The following XRRA1 variants were observed in gnomAD, a reference collection of about 807,000 sequenced individuals.
XRRA1 encodes X-ray radiation resistance associated 1, also known as X-ray radiation resistance-associated protein 1.
A neutral mutation model predicts 80.2 loss-of-function variants in XRRA1; 69 were observed. The ratio of observed to expected loss-of-function variants is 0.86; its 90% CI spans 0.71 to 1.05. XRRA1 has a LOEUF of 1.05. XRRA1 is among the 50% of genes least tolerant of loss of function. The pLI, the probability that XRRA1 is intolerant of heterozygous loss-of-function variation, is 0.00. For synonymous variants in XRRA1, 348 were observed against 389.9 expected, an observed-to-expected ratio of 0.89 and a Z score of 1.27; for missense variants, 967 against 976.4, an observed-to-expected ratio of 0.99 and a Z score of 0.13.
rs761014061 is a variant in XRRA1, at chr11:74,843,191, T to A, written c.*9A>T. 5.2e-6 allele frequency: 8 copies of A among 1,551,316 alleles called. No individual in the cohort carries two copies. The highest frequency in any genetic ancestry group is 3.5e-6 in the Non-Finnish European group (4 of 1,147,022). On this transcript the variant is annotated 3_prime_UTR_variant, in exon 19 of 19. Coordinates refer to ENST00000684022, the MANE Select transcript of XRRA1 (RefSeq NM_001378157.1). ...GGCCGGGTGGTGCACACAGCCCCCATGCACAGCTCTAGCCTTGTGAGTCAC... is the reference window on the plus strand; with the variant it reads ...GGCCGGGTGGTGCACACAGCCCCCAAGCACAGCTCTAGCCTTGTGAGTCAC...
At chr11:74,914,492 T>C (rs1373618724) in intron 8 of XRRA1, among the ~76,000 whole-genome samples, 3 of 152,150 alleles carry the variant, frequency 2.0e-5, no homozygotes, top group African/African-American at 7.2e-5. Flanking sequence ...CAAATAGGTG[T>C]GCTGTACAGA....
intron 4 of XRRA1, among the ~76,000 whole-genome samples, chr11:74,934,237 T>C (rs1944391109): frequency 6.6e-6 from 1 of 152,230 alleles, no homozygotes; most frequent in South Asian, 2.1e-4. Context: ...TCCAAATCTG[T>C]AATCACTAGA....
At chr11:74,872,696 T>C (rs1020543970) in intron 10 of XRRA1, among the ~76,000 whole-genome samples, 3 of 152,120 alleles carry the variant, frequency 2.0e-5, no homozygotes, top group Non-Finnish European at 4.4e-5. Flanking sequence ...GTCTCACAGA[T>C]GGTCCAACAG....
At chr11:74,914,329 C>T (rs1937788712) in intron 8 of XRRA1, among the ~76,000 whole-genome samples, 1 of 152,184 alleles carries the variant, frequency 6.6e-6, no homozygotes, top group African/African-American at 2.4e-5. Context: ...TGGTGCTGTT[C>T]TAACTCATTT....
chr11:74,869,335 G>T (rs1029292291), intron 10 of XRRA1, among the ~76,000 whole-genome samples: 1 of 152,192 alleles, frequency 6.6e-6, no homozygotes, highest in Non-Finnish European at 1.5e-5. Flanking sequence ...GAGGTAGAAA[G>T]AAATTATTTA....
intron 10 of XRRA1, among the ~76,000 whole-genome samples, chr11:74,890,752 C>A (rs2050453629): frequency 6.6e-6 from 1 of 152,148 alleles, no homozygotes. Flanking sequence ...ATACAAACTA[C>A]CATCAGAGAA....
Position 74,843,781 on chromosome 11 carries a change from A to G in XRRA1, c.2149+73T>C, listed in dbSNP as rs1188906748. ...CTAAGGGCCTTTCCTGCACTGACACAAGCCCTTTCTTTGCCTTTAGCCAGC... is the reference window on the plus strand; with the variant it reads ...CTAAGGGCCTTTCCTGCACTGACACGAGCCCTTTCTTTGCCTTTAGCCAGC... On this transcript the variant is annotated intron_variant, in intron 18 of 18. Coordinates refer to ENST00000684022, the MANE Select transcript of XRRA1 (RefSeq NM_001378157.1). 4 of 1,358,844 alleles carry G rather than the reference A, an allele frequency of 2.9e-6. No individual in the cohort carries two copies. The African/African-American group carries it at 4.3e-5, about 15-fold the overall frequency. The allele number at this position is 1,358,844 out of a possible 1,614,324, so 84.2% of individuals were successfully genotyped here.
At chr11:74,910,262 T>C (rs1357469394) in intron 8 of XRRA1, among the ~76,000 whole-genome samples, 1 of 152,180 alleles carries the variant, frequency 6.6e-6, no homozygotes, top group Non-Finnish European at 1.5e-5. Flanking sequence ...ATGTGGCTAC[T>C]AAAAAGCTAG....
intron 4 of XRRA1, 107 bp from the exon 5 acceptor site, chr11:74,933,979 G>T: frequency 2.1e-6 from 2 of 975,234 alleles, no homozygotes. Context: ...GTCATAATTT[G>T]TTTGCTTGTT....
intron 6 of XRRA1, 62 bp downstream of exon 6, chr11:74,930,238 A>G: frequency 1.5e-6 from 2 of 1,321,240 alleles, no homozygotes; most frequent in Admixed American, 2.1e-5. Flanking sequence ...AAATCCTAAC[A>G]CACGTGAATG....
intron 2 of XRRA1, among the ~76,000 whole-genome samples, chr11:74,944,367 T>C (rs1591672480): frequency 6.6e-6 from 1 of 152,256 alleles, no homozygotes; most frequent in East Asian, 1.9e-4. Context: ...CACACACATA[T>C]CCTCAATTAG....
At chr11:74,845,001 G>A (rs80177203) in intron 16 of XRRA1, 72 bp downstream of exon 16, 1 of 1,505,806 alleles carries the variant, frequency 6.6e-7, no homozygotes, top group African/African-American at 1.4e-5. Flanking sequence ...TGCCAGCCTT[G>A]GCTTGACCCT....
chr11:74,841,009 C>T lies in XRRA1; in HGVS notation c.*2191G>A, dbSNP rs1177856487. 3 of 151,680 alleles carry T rather than the reference C, an allele frequency of 2.0e-5. No individual in the cohort carries two copies. The highest frequency in any genetic ancestry group is 2.9e-5 in the Non-Finnish European group (2 of 67,952). 9.4% of individuals were successfully genotyped at this position (151,680 alleles called of 1,614,324 possible). A position where few individuals can be genotyped will look rare whatever the true frequency, so the allele number is the denominator to read the frequency against. ...AGTTAGAGTTAAATGTACCTATAGC[C>T]CCTGAATACATGCTCAGGTAGAGAA... On this transcript the variant is annotated 3_prime_UTR_variant, in exon 19 of 19. Transcript: ENST00000684022.
Position 74,842,974 on chromosome 11 carries a change from T to C in XRRA1, c.*226A>G, listed in dbSNP as rs971721001. On this transcript the variant is annotated 3_prime_UTR_variant, in exon 19 of 19. Coordinates refer to ENST00000684022, the MANE Select transcript of XRRA1 (RefSeq NM_001378157.1). The stretch of plus-strand genomic sequence containing the variant: ...GCATGTGGCACCCAGTCTATTGCCC[T>C]GTGCACCCACTCTTTATTGCCGCTG... The C allele has an allele frequency of 8.6e-6, 5 of 583,066 alleles. No individual in the cohort carries two copies. Among genetic ancestry groups the C allele is most frequent in the Non-Finnish European group, 1.5e-5 (5 of 333,122 alleles). 36.1% of individuals were successfully genotyped at this position (583,066 alleles called of 1,614,324 possible).
chr11:74,932,288 C>T (rs144227637), intron 5 of XRRA1, among the ~76,000 whole-genome samples: 12 of 152,288 alleles, frequency 7.9e-5, no homozygotes, highest in Admixed American at 2.0e-4. Context: ...CCACTCATCC[C>T]GTGGGTCTCA....
In XRRA1 at chr11:74,852,068, A is replaced by G. The variant is rs769832055; in HGVS notation, c.1185T>C (p.Asp395=). ...SLAYNKIAKE[D]AVLPVALFPS... ...GGAAGAGAGCTACTGGTAGGACAGC[A>G]TCCTCTTTTGCGATCTGTAATGAAT... Residue 395 remains aspartate (D), a synonymous_variant, in exon 13 of 19, where the codon GAT becomes GAC. Transcript: ENST00000684022. 1 of 1,613,880 alleles carries G rather than the reference A, an allele frequency of 6.2e-7. No individual in the cohort carries two copies. The highest frequency in any genetic ancestry group is 1.1e-5 in the South Asian group (1 of 91,084).
At chr11:74,934,105 C>T (rs1944355433) in intron 4 of XRRA1, among the ~76,000 whole-genome samples, 1 of 152,078 alleles carries the variant, frequency 6.6e-6, no homozygotes, top group African/African-American at 2.4e-5. Context: ...TCTTCTAATC[C>T]TAATTAAGCC....
rs1343988521 is a variant in XRRA1 at position 74,927,321 on chromosome 11, A to G, written c.522+70T>C. ...AAGCCCCTTCCCAACAGTTATAATCAGTAAAGCTCTATGCTCATTCCTTAC... is the reference window on the plus strand; with the variant it reads ...AAGCCCCTTCCCAACAGTTATAATCGGTAAAGCTCTATGCTCATTCCTTAC... On this transcript the variant is annotated intron_variant, in intron 7 of 18. Coordinates refer to ENST00000684022, the MANE Select transcript of XRRA1 (RefSeq NM_001378157.1). 7.6e-6 allele frequency: 7 copies of G among 920,204 alleles called. No homozygotes were observed. The Admixed American group carries it at 1.4e-4, about 18-fold the overall frequency. 57.0% of individuals were successfully genotyped at this position (920,204 alleles called of 1,614,324 possible). A position where few individuals can be genotyped will look rare whatever the true frequency, so the allele number is the denominator to read the frequency against.
intron 10 of XRRA1, among the ~76,000 whole-genome samples, chr11:74,902,714 T>C (rs2137959385): frequency 6.6e-6 from 1 of 151,824 alleles, no homozygotes; most frequent in East Asian, 1.9e-4. Context: ...GATCTGAAAA[T>C]CAAAACAATT....
Sources: gnomAD v4.1 joint callset for allele counts (sites outside exome capture counted in the v4.1 genomes callset) on GRCh38, gnomAD v4.1.1 for gene constraint, MANE v1.5 for transcripts, NCBI Gene and HGNC (gene_info 2026-07-23, HGNC 2026-07-21) for gene names.